KDM4C: variants seen among roughly 807,000 people sequenced by gnomAD.
KDM4C encodes lysine-specific demethylase 4C.
KDM4C carries 81 observed loss-of-function variants against 129.3 expected under a neutral mutation model. That is an observed-to-expected ratio of 0.63 (90% CI 0.52 to 0.75). The LOEUF is 0.75. Ranked by LOEUF, KDM4C falls within the 30% of genes least tolerant of loss-of-function variation. The pLI is 0.00. For missense variants in KDM4C, 1,457 were observed against 1,304.0 expected (o/e 1.12, Z -1.81); for synonymous variants, 573 against 456.1 (o/e 1.26, Z -3.26).
intron 6 of KDM4C, among the ~76,000 whole-genome samples, chr9:6,885,840 T>G (rs988968287): frequency 2.6e-5 from 4 of 152,206 alleles, no homozygotes; most frequent in African/African-American, 9.6e-5. Context: ...ATATAAATTC[T>G]GAACCAATGT....
At chr9:7,047,426 C>G (rs869166416) in intron 16 of KDM4C, among the ~76,000 whole-genome samples, 2 of 151,864 alleles carry the variant, frequency 1.3e-5, no homozygotes, top group Admixed American at 6.6e-5. Flanking sequence ...TTAAAGGGAT[C>G]AGGTGGAGAA....
intron 5 of KDM4C, among the ~76,000 whole-genome samples, chr9:6,854,115 T>TA (rs1314009528): frequency 8.6e-5 from 13 of 151,228 alleles, no homozygotes; most frequent in East Asian, 1.9e-4. Flanking sequence ...TTTCAGTGAT[T>TA]AAAAAAAAAT....
chr9:6,924,454 C>G (rs940016872), intron 8 of KDM4C, among the ~76,000 whole-genome samples: 5 of 152,182 alleles, frequency 3.3e-5, no homozygotes, highest in East Asian at 3.8e-4. Flanking sequence ...CTGCAGCGCT[C>G]TGTTGGACTT....
intron 8 of KDM4C, among the ~76,000 whole-genome samples, chr9:6,930,872 C>T (rs915958992): frequency 1.3e-5 from 2 of 152,000 alleles, no homozygotes; most frequent in African/African-American, 4.8e-5. Flanking sequence ...ATGAGAAATA[C>T]CTGGGGAATT....
intron 12 of KDM4C, among the ~76,000 whole-genome samples, chr9:6,997,174 G>A (rs140884382): frequency 6.6e-6 from 1 of 152,056 alleles, no homozygotes; most frequent in Non-Finnish European, 1.5e-5. Context: ...ACTGTTTGTT[G>A]TTGCTGTTGT....
At chr9:7,088,658 T>A (rs1835429254) in intron 17 of KDM4C, among the ~76,000 whole-genome samples, 1 of 152,098 alleles carries the variant, frequency 6.6e-6, no homozygotes, top group African/African-American at 2.4e-5. Flanking sequence ...TTACAGGAGG[T>A]GCATTGTCTT....
intron 11 of KDM4C, among the ~76,000 whole-genome samples, chr9:6,989,282 T>G (rs1473223014): frequency 1.3e-5 from 2 of 152,202 alleles, no homozygotes; most frequent in Admixed American, 6.5e-5. Flanking sequence ...GGCCACTGCT[T>G]CTTCAGCTTA....
intron 8 of KDM4C, among the ~76,000 whole-genome samples, chr9:6,950,629 T>C (rs1827965088): frequency 6.6e-6 from 1 of 152,236 alleles, no homozygotes; most frequent in Non-Finnish European, 1.5e-5. Context: ...TGTTTATTAA[T>C]ACTGATTAAA....
intron 15 of KDM4C, among the ~76,000 whole-genome samples, chr9:7,019,532 A>G (rs1292153954): frequency 6.6e-6 from 1 of 151,522 alleles, no homozygotes; most frequent in African/African-American, 2.4e-5. Context: ...TCAGTTTGAG[A>G]CACGTGATTA....
intron 17 of KDM4C, among the ~76,000 whole-genome samples, chr9:7,069,667 T>C (rs1832930724): frequency 6.6e-6 from 1 of 152,252 alleles, no homozygotes; most frequent in Non-Finnish European, 1.5e-5. Context: ...GAAAGTAACA[T>C]TGATACAACA....
intron 15 of KDM4C, among the ~76,000 whole-genome samples, chr9:7,029,460 A>G (rs990600606): frequency 2.0e-5 from 3 of 152,062 alleles, no homozygotes; most frequent in Non-Finnish European, 4.4e-5. Flanking sequence ...CCAATAAATT[A>G]TAATCCAAGT....
chr9:7,119,203 G>C (rs1464369567), intron 18 of KDM4C, among the ~76,000 whole-genome samples: 1 of 151,842 alleles, frequency 6.6e-6, no homozygotes, highest in Non-Finnish European at 1.5e-5. Context: ...TGTCTTTTTA[G>C]TGACAGTATA....
chr9:7,001,574 G>A (rs966823459), intron 12 of KDM4C, among the ~76,000 whole-genome samples: 15 of 152,210 alleles, frequency 9.9e-5, no homozygotes, highest in Admixed American at 3.3e-4. Flanking sequence ...AATAGTCCAT[G>A]TCTTTATCTT....
chr9:6,877,104 C>T (rs916730174), intron 5 of KDM4C, among the ~76,000 whole-genome samples: 11 of 152,120 alleles, frequency 7.2e-5, no homozygotes, highest in African/African-American at 2.4e-4. Context: ...TTCTGCTGTC[C>T]TTCATTCTCC....
At chr9:6,981,266 CT>C in intron 9 of KDM4C, 148 bp downstream of exon 9, 1 of 622,930 alleles carries the variant, frequency 1.6e-6, no homozygotes, top group Non-Finnish European at 2.7e-6. Context: ...ATTTTTAATT[CT>C]TAGGTGTGTA....
chr9:7,152,888 A>G (rs1409683009), intron 19 of KDM4C, among the ~76,000 whole-genome samples: 3 of 152,230 alleles, frequency 2.0e-5, no homozygotes, highest in South Asian at 4.1e-4. Context: ...GTGCATGTAT[A>G]GGATGTCCTA....
At chr9:6,809,797 G>C (rs1192690510) in intron 3 of KDM4C, among the ~76,000 whole-genome samples, 1 of 152,032 alleles carries the variant, frequency 6.6e-6, no homozygotes, top group Non-Finnish European at 1.5e-5. Context: ...CCAGGAGTTC[G>C]AGACCAGCTG....
At chr9:7,173,202 C>A (rs1845132823) in intron 21 of KDM4C, among the ~76,000 whole-genome samples, 2 of 152,254 alleles carry the variant, frequency 1.3e-5, no homozygotes, top group South Asian at 4.1e-4. Context: ...GTGTCAGGGC[C>A]ACAGGAGTCC....
rs114970382 is a variant in KDM4C, at chr9:7,152,093, G to T, written c.2782-13145G>T. On this transcript the variant is annotated intron_variant, in intron 19 of 21. Coordinates refer to ENST00000381309, the MANE Select transcript of KDM4C (RefSeq NM_015061.6). The stretch of plus-strand genomic sequence containing the variant: ...GTGGTTAACATTAGATTTATTTACT[G>T]CACTAGAGAAATGAGTCTGATGTTG... 8.2e-3 allele frequency among the ~76,000 whole-genome samples: 1,247 copies of T among 152,300 alleles called. 20 individuals are homozygous for T. The highest frequency in any genetic ancestry group is 0.028 in the African/African-American group (1,167 of 41,558).
Sources: gnomAD v4.1 joint callset for allele counts (sites outside exome capture counted in the v4.1 genomes callset) on GRCh38, gnomAD v4.1.1 for gene constraint, MANE v1.5 for transcripts, NCBI Gene and HGNC (gene_info 2026-07-23, HGNC 2026-07-21) for gene names.